Variants in CELSR1 observed in about 807,000 individuals in gnomAD.
CELSR1 encodes the protein cadherin EGF LAG seven-pass G-type receptor 1.
A neutral mutation model predicts 249.1 loss-of-function variants in CELSR1; 110 were observed. That is an observed-to-expected ratio of 0.44 (90% CI 0.38 to 0.52). CELSR1 has a LOEUF of 0.52. Ranked by LOEUF, CELSR1 falls within the 20% of genes least tolerant of loss-of-function variation. CELSR1 has a pLI of 0.00. For synonymous variants in CELSR1, 2,113 were observed against 1,900.0 expected, an observed-to-expected ratio of 1.11 and a Z score of -2.92; for missense variants, 4,109 against 4,296.4, an observed-to-expected ratio of 0.96 and a Z score of 1.22.
intron 1 of CELSR1, among the ~76,000 whole-genome samples, chr22:46,499,005 C>T (rs550311787): frequency 7.0e-4 from 107 of 151,922 alleles, no homozygotes; most frequent in African/African-American, 2.6e-3. Context: ...CATGGTGAAA[C>T]CCTGTCTCTA....
rs941846311 is a variant in CELSR1, at chr22:46,371,163, G to A, written c.7760-1359C>T. 6.8e-4 allele frequency among the ~76,000 whole-genome samples: 104 copies of A among 152,294 alleles called. 1 individual carries two copies. The highest frequency in any genetic ancestry group is 1.3e-3 in the Non-Finnish European group (87 of 68,026). The stretch of plus-strand genomic sequence containing the variant: ...CCCACCTCAGTGGCCCTGGGTGGAG[G>A]TGAAAAAGGTTCTTCAGGGTCCCTT... On this transcript the variant is annotated intron_variant, in intron 25 of 34. Coordinates refer to ENST00000674500, the MANE Select transcript of CELSR1 (RefSeq NM_001378328.1).
chr22:46,403,902 G>A (rs1472721551), intron 9 of CELSR1, among the ~76,000 whole-genome samples: 1 of 150,824 alleles, frequency 6.6e-6, no homozygotes, highest in Non-Finnish European at 1.5e-5. Context: ...GAACCCGGGA[G>A]GTGGAGGCTG....
Position 46,536,646 on chromosome 22 carries a change from C to A in CELSR1, c.525G>T (p.Pro175=). ...GCAGACGCAGGCGGACCGAGCCGCC[C>A]GGCGGCAGGCAGATGGGACGGCCGG... ...RCPGRPICLP[P]GGSVRLRLLC... Residue 175 remains proline, a synonymous_variant, in exon 1 of 35, where the codon CCG becomes CCT. Coordinates refer to ENST00000674500, the MANE Select transcript of CELSR1 (RefSeq NM_001378328.1). 1 of 1,164,042 alleles carries A rather than the reference C, an allele frequency of 8.6e-7. No individual in the cohort carries two copies. Among genetic ancestry groups the A allele is most frequent in the Non-Finnish European group, 1.1e-6 (1 of 946,334 alleles). The allele number at this position is 1,164,042 out of a possible 1,614,324, so 72.1% of individuals were successfully genotyped here.
At chr22:46,403,302 A>G (rs906697397) in intron 9 of CELSR1, among the ~76,000 whole-genome samples, 1 of 152,036 alleles carries the variant, frequency 6.6e-6, no homozygotes, top group Non-Finnish European at 1.5e-5. Flanking sequence ...TAATCCCAGC[A>G]CTTTGGGAGG....
intron 1 of CELSR1, among the ~76,000 whole-genome samples, chr22:46,469,144 C>T (rs1602180686): frequency 2.0e-5 from 3 of 152,266 alleles, no homozygotes; most frequent in East Asian, 3.9e-4. Context: ...GTGCTGAACA[C>T]CCCTGGGGTC....
chr22:46,362,905 C>G lies in CELSR1; in HGVS notation c.*318G>C. 2.1e-6 allele frequency: 1 copy of G among 486,966 alleles called. No homozygotes were observed. Among genetic ancestry groups the G allele is most frequent in the Non-Finnish European group, 3.7e-6 (1 of 272,348 alleles). 30.2% of individuals were successfully genotyped at this position (486,966 alleles called of 1,614,324 possible). ...CTGGGCCCAGTCTGGGGTCCCCTCTCAGTTCTGGCTTTGACTGCAGTCTTA... is the reference window on the plus strand; with the variant it reads ...CTGGGCCCAGTCTGGGGTCCCCTCTGAGTTCTGGCTTTGACTGCAGTCTTA... On this transcript the variant is annotated 3_prime_UTR_variant, in exon 35 of 35. Coordinates refer to ENST00000674500, the MANE Select transcript of CELSR1 (RefSeq NM_001378328.1).
intron 24 of CELSR1, among the ~76,000 whole-genome samples, chr22:46,375,779 A>G (rs1340446052): frequency 6.6e-6 from 1 of 152,138 alleles, no homozygotes; most frequent in Non-Finnish European, 1.5e-5. Flanking sequence ...CCTTGACCTC[A>G]AGTGATCTGC....
In CELSR1 at chr22:46,363,352, T is replaced by A; in HGVS notation, c.9036-105A>T. On this transcript the variant is annotated intron_variant, in intron 34 of 34. Coordinates refer to ENST00000674500, the MANE Select transcript of CELSR1 (RefSeq NM_001378328.1). This position sits in a 1 kb window ranked among gnomAD's most constrained non-coding sequence, Gnocchi z 4.3. ...GGGGGGCAGGATCACCCCATCAGGG[T>A]AGAGGGGGCGTCTGGGGGCTCCAGG... is the stretch of plus-strand genomic sequence containing the variant. The A allele has an allele frequency of 1.2e-6, 1 of 864,408 alleles. No individual in the cohort carries two copies. The highest frequency in any genetic ancestry group is 1.8e-6 in the Non-Finnish European group (1 of 569,216). 53.5% of individuals were successfully genotyped at this position (864,408 alleles called of 1,614,324 possible).
Position 46,401,095 on chromosome 22 carries a change from T to C in CELSR1, c.5227-1193A>G, listed in dbSNP as rs2079206643. Among the ~76,000 whole-genome samples, 1 of 152,094 alleles carries C rather than the reference T, an allele frequency of 6.6e-6. No individual in the cohort carries two copies. The highest frequency in any genetic ancestry group is 2.1e-4 in the South Asian group (1 of 4,816). On this transcript the variant is annotated intron_variant, in intron 9 of 34. Coordinates refer to ENST00000674500, the MANE Select transcript of CELSR1 (RefSeq NM_001378328.1). The surrounding 1 kb of genome is among the most constrained non-coding windows in gnomAD (Gnocchi z 4.7). Reference sequence around the variant, plus strand: ...GGGAAGCGCCAAGAACAAGCCCCATTAGGCTTTTAAGTACTGGGACCCAGC... The same window carrying C: ...GGGAAGCGCCAAGAACAAGCCCCATCAGGCTTTTAAGTACTGGGACCCAGC...
rs965041088 is a variant in CELSR1, at chr22:46,536,766, G to A, written c.405C>T (p.Val135=). The change falls in exon 1 of 35, where the codon GTC becomes GTT. Residue 135 remains valine, a synonymous_variant. Transcript: ENST00000674500. ...GCTGCGCGGCCGCGCAGCCGCCGGG[G>A]ACGGGGAAGCAGAGCGCCCCGCAGA... ...ARLCGALCFP[V]PGGCAAAQHS... 8.4e-7 allele frequency: 1 copy of A among 1,185,004 alleles called. No individual in the cohort carries two copies. The highest frequency in any genetic ancestry group is 3.8e-5 in the East Asian group (1 of 26,272). The allele number at this position is 1,185,004 out of a possible 1,614,324, so 73.4% of individuals were successfully genotyped here.
At chr22:46,505,033 C>G (rs1028481773) in intron 1 of CELSR1, among the ~76,000 whole-genome samples, 1 of 151,898 alleles carries the variant, frequency 6.6e-6, no homozygotes, top group African/African-American at 2.4e-5. Flanking sequence ...GAGGCCGAGG[C>G]GGGCGGATCA....
At chr22:46,426,821 C>T (rs1003827400) in intron 5 of CELSR1, among the ~76,000 whole-genome samples, 11 of 152,188 alleles carry the variant, frequency 7.2e-5, no homozygotes, top group African/African-American at 1.9e-4. Flanking sequence ...GGACCCCAGA[C>T]GCTGCCATTT....
intron 1 of CELSR1, 24 bp downstream of exon 1, chr22:46,533,602 TC>T: frequency 6.5e-7 from 1 of 1,527,762 alleles, no homozygotes; most frequent in Non-Finnish European, 8.7e-7. Context: ...CAGGAGCTAC[TC>T]CTCCCACCCC....
chr22:46,502,351 G>A (rs1410218505), intron 1 of CELSR1, among the ~76,000 whole-genome samples: 1 of 98,124 alleles, frequency 1.0e-5, no homozygotes, highest in East Asian at 2.6e-4. Flanking sequence ...GGGAGAGGAG[G>A]TGGGGAAAGT....
At chr22:46,474,715 A>C (rs979732000) in intron 1 of CELSR1, among the ~76,000 whole-genome samples, 1 of 108,804 alleles carries the variant, frequency 9.2e-6, no homozygotes, top group Non-Finnish European at 1.9e-5. Flanking sequence ...TCTTTGACCA[A>C]TCTCTCCCCA....
chr22:46,504,833 C>T (rs985822194), intron 1 of CELSR1, among the ~76,000 whole-genome samples: 4 of 152,314 alleles, frequency 2.6e-5, no homozygotes, highest in Non-Finnish European at 5.9e-5. Flanking sequence ...GTTACTCACA[C>T]ACACACAGAC....
intron 1 of CELSR1, among the ~76,000 whole-genome samples, chr22:46,494,563 C>A (rs1474161551): frequency 6.6e-6 from 1 of 152,114 alleles, no homozygotes; most frequent in Non-Finnish European, 1.5e-5. Flanking sequence ...GGCTGGAATG[C>A]AATGGTATGA....
In CELSR1 at chr22:46,431,940, T is replaced by C. The variant is rs1458217919; in HGVS notation, c.4611+1453A>G. On this transcript the variant is annotated intron_variant, in intron 5 of 34. Coordinates refer to ENST00000674500, the MANE Select transcript of CELSR1 (RefSeq NM_001378328.1). ...GCCCCACTAGGGGTGACATCCAATG[T>C]GCGGCAGCCCAGACCCTGCCCAGAC... Among the ~76,000 whole-genome samples the C allele has an allele frequency of 2.0e-5, 3 of 152,298 alleles. No individual in the cohort carries two copies. In the South Asian group the frequency reaches 6.2e-4, roughly 32 times the overall value.
intron 26 of CELSR1, 108 bp downstream of exon 26, chr22:46,369,584 C>T: frequency 3.1e-6 from 3 of 972,036 alleles, no homozygotes; most frequent in Admixed American, 4.6e-5. Context: ...CCCTTCCTGC[C>T]CCCCGTCGGC....
Sources: allele counts gnomAD v4.1 joint callset (sites outside exome capture counted in the v4.1 genomes callset), GRCh38; gene constraint gnomAD v4.1.1; non-coding constraint Gnocchi (gnomAD v3.1); transcripts MANE v1.5; gene names NCBI Gene and HGNC (gene_info 2026-07-23, HGNC 2026-07-21).